IFI44: variants seen among roughly 807,000 people sequenced by gnomAD.
The protein encoded by IFI44 is interferon induced protein 44.
In IFI44, 42 loss-of-function variants were observed where a neutral mutation model predicts 45.0. The ratio of observed to expected loss-of-function variants is 0.93; its 90% CI spans 0.73 to 1.21. The LOEUF (loss-of-function observed/expected upper bound fraction) is 1.21. Among genes scored for constraint, IFI44 ranks in the 50% most tolerant of loss-of-function variants. IFI44 has a pLI of 0.00. For synonymous variants in IFI44, 221 were observed against 188.6 expected, an observed-to-expected ratio of 1.17 and a Z score of -1.41; for missense variants, 623 against 525.8, an observed-to-expected ratio of 1.18 and a Z score of -1.81.
Position 78,655,516 on chromosome 1 carries a change from T to C in IFI44, c.840+5T>C. The C allele has an allele frequency of 6.3e-7, 1 of 1,596,852 alleles. No individual in the cohort carries two copies. Among genetic ancestry groups the C allele is most frequent in the Non-Finnish European group, 8.5e-7 (1 of 1,172,348 alleles). On this transcript the variant is annotated splice_donor_5th_base_variant and intron_variant, in intron 5 of 8. Transcript: ENST00000370747. Reference sequence around the variant, plus strand: ...AACATTCGTGATAGATACCAGGTAATATTTGACTAATGAGAAATTATAACT... The same window carrying C: ...AACATTCGTGATAGATACCAGGTAACATTTGACTAATGAGAAATTATAACT...
intron 7 of IFI44, among the ~76,000 whole-genome samples, chr1:78,661,950 C>A (rs1255664207): frequency 6.6e-6 from 1 of 152,026 alleles, no homozygotes; most frequent in Admixed American, 6.6e-5. Flanking sequence ...ATAAAATGGG[C>A]AAGGAACATT....
rs1408827877 is a variant in IFI44, at chr1:78,655,357, TA to T, written c.691-4del. On this transcript the variant is annotated splice_polypyrimidine_tract_variant and splice_region_variant and intron_variant, in intron 4 of 8. Transcript: ENST00000370747. The stretch of plus-strand genomic sequence containing the variant: ...TCTTTAAAATTGCTTTTCTCCCCTC[TA>T]CAGTATAGGACATACTCTATTAGAG... The T allele has an allele frequency of 6.3e-7, 1 of 1,598,556 alleles. No individual in the cohort carries two copies. The highest frequency in any genetic ancestry group is 1.1e-5 in the South Asian group (1 of 87,408).
At position 78,649,984 on chromosome 1, in the gene IFI44, C is replaced by G; in HGVS notation, c.-11+79C>G. The G allele has an allele frequency of 9.7e-6, 4 of 413,608 alleles. No homozygotes were observed. The Admixed American group carries it at 1.2e-4, about 13-fold the overall frequency. The allele number at this position is 413,608 out of a possible 1,614,324, so 25.6% of individuals were successfully genotyped here. On this transcript the variant is annotated intron_variant, in intron 1 of 8. Coordinates refer to ENST00000370747, the MANE Select transcript of IFI44 (RefSeq NM_006417.5). ...CTCTCTCAGGTGACAGTGTCACTTG[C>G]CAATCTCAGTTTTTGTTTTAATTTA... is the stretch of plus-strand genomic sequence containing the variant.
In IFI44 at chr1:78,655,018, A is replaced by T. The variant is rs1647183828; in HGVS notation, c.499A>T (p.Arg167Trp). 6.2e-7 allele frequency: 1 copy of T among 1,610,370 alleles called. No homozygotes were observed. The highest frequency in any genetic ancestry group is 1.1e-5 in the South Asian group (1 of 90,580). Reference protein sequence around the residue: ...ERKIKGVIELRKSLLSALRTY... With the variant: ...ERKIKGVIELWKSLLSALRTY... ...AAAACGGTCATGTCTAAACAGGCTC[A>T]GGAAGAGCTTACTGTCTGCCTTGAG... The change falls in exon 4 of 9, where the codon AGG becomes TGG. Residue 167 changes from arginine to tryptophan, a missense_variant. Coordinates refer to ENST00000370747, the MANE Select transcript of IFI44 (RefSeq NM_006417.5).
In IFI44 at chr1:78,659,430, C is replaced by T; in HGVS notation, c.959C>T (p.Ser320Phe). ...GATGCCAGCTCTATTCAATACTTCT[C>T]CTCTCAGATGATAGTAAAGATCAAA... ...VFDASSIQYF[S>F]SQMIVKIKRI... Residue 320 changes from serine to phenylalanine, a missense_variant, in exon 6 of 9, where the codon TCC (serine) becomes TTC (phenylalanine). Ser to Phe is a radical substitution (Grantham distance 155). Coordinates refer to ENST00000370747, the MANE Select transcript of IFI44 (RefSeq NM_006417.5). 1 of 1,613,502 alleles carries T rather than the reference C, an allele frequency of 6.2e-7. No individual in the cohort carries two copies. Among genetic ancestry groups the T allele is most frequent in the Non-Finnish European group, 8.5e-7 (1 of 1,179,624 alleles).
chr1:78,651,504 GCCTGCCTCTCACGT>G (rs1647124510), intron 2 of IFI44, among the ~76,000 whole-genome samples: 1 of 152,120 alleles, frequency 6.6e-6, no homozygotes, highest in African/African-American at 2.4e-5. Context: ...AGCTTCACTC[GCCTGCCTCTCACGT>G]CCTGCTCTGT....
At chr1:78,659,697 A>C (rs1021638171) in intron 6 of IFI44, among the ~76,000 whole-genome samples, 1 of 152,214 alleles carries the variant, frequency 6.6e-6, no homozygotes, top group Non-Finnish European at 1.5e-5. Flanking sequence ...TTCTCTAATC[A>C]ATAAAATTAG....
chr1:78,660,628 G>A lies in IFI44; in HGVS notation c.1087G>A (p.Glu363Lys), dbSNP rs750075486. 1 of 1,613,058 alleles carries A rather than the reference G, an allele frequency of 6.2e-7. No homozygotes were observed. The highest frequency in any genetic ancestry group is 1.7e-5 in the Admixed American group (1 of 59,970). Residue 363 changes from glutamate (E) to lysine (K), a missense_variant, in exon 7 of 9, where the codon GAG becomes AAG. Physicochemically the swap from Glu to Lys is moderately conservative, Grantham distance 56. Coordinates refer to ENST00000370747, the MANE Select transcript of IFI44 (RefSeq NM_006417.5). ...TACAAAAGGTGACCTTATAGAAATA[G>A]AGAGATGTGAGCCTGTGAGGTCCAA... ...LITKGDLIEIERCEPVRSKLE... is the reference protein window; with the variant it reads ...LITKGDLIEIKRCEPVRSKLE...
chr1:78,653,860 G>A (rs1486804173), intron 2 of IFI44, among the ~76,000 whole-genome samples: 1 of 152,164 alleles, frequency 6.6e-6, no homozygotes. Context: ...AGGGGAAAAT[G>A]TCTTATTAGA....
intron 8 of IFI44, chr1:78,663,180 T>C: frequency 4.1e-6 from 4 of 985,328 alleles, no homozygotes; most frequent in Non-Finnish European, 4.8e-6. Context: ...CCCTGGCCTC[T>C]TTTCTCAGAC....
chr1:78,660,854 T>G (rs558103917), intron 7 of IFI44, 200 bp downstream of exon 7: 1 of 559,290 alleles, frequency 1.8e-6, no homozygotes, highest in Admixed American at 2.8e-5. Flanking sequence ...TCCAGGACTT[T>G]GCATTGTTAC....
At chr1:78,656,015 C>T (rs149998083) in intron 5 of IFI44, among the ~76,000 whole-genome samples, 18 of 152,198 alleles carry the variant, frequency 1.2e-4, no homozygotes, top group Middle Eastern at 6.8e-3. Flanking sequence ...CTCTTATATA[C>T]ATAAGAAAGA....
At position 78,660,654 on chromosome 1, in the gene IFI44, G is replaced by A. The variant is rs141520096; in HGVS notation, c.1113G>A (p.Lys371=). 1 of 1,585,372 alleles carries A rather than the reference G, an allele frequency of 6.3e-7. No individual in the cohort carries two copies. ...AGAGATGTGAGCCTGTGAGGTCCAA[G>A]GTAATGAATGATGCCCTTCGTAAAC... ...EIERCEPVRS[K]LEEVQRKLGF... is the part of the protein sequence containing the mutation. Residue 371 remains lysine, a splice_region_variant and synonymous_variant, in exon 7 of 9, where the codon AAG becomes AAA. Coordinates refer to ENST00000370747, the MANE Select transcript of IFI44 (RefSeq NM_006417.5).
At chr1:78,657,418 G>A (rs2100459040) in intron 5 of IFI44, among the ~76,000 whole-genome samples, 2 of 152,132 alleles carry the variant, frequency 1.3e-5, no homozygotes, top group South Asian at 4.1e-4. Context: ...TGTGTGTCCT[G>A]ATTATTGAGA....
At chr1:78,658,101 C>T (rs992658557) in intron 5 of IFI44, among the ~76,000 whole-genome samples, 5 of 151,942 alleles carry the variant, frequency 3.3e-5, no homozygotes, top group Admixed American at 1.3e-4. Flanking sequence ...AAATTATAAA[C>T]TTATACTAAA....
intron 1 of IFI44, 64 bp downstream of exon 1, chr1:78,649,969 T>C (rs1296789729): frequency 5.0e-6 from 2 of 398,128 alleles, no homozygotes; most frequent in East Asian, 8.4e-5. Context: ...CTCTCTCAGG[T>C]GACAGTGTCA....
intron 5 of IFI44, among the ~76,000 whole-genome samples, chr1:78,656,974 C>T (rs905498665): frequency 6.6e-5 from 10 of 151,476 alleles, no homozygotes; most frequent in African/African-American, 2.4e-4. Context: ...TGACTCACAG[C>T]CAATCTCGTT....
intron 4 of IFI44, 29 bp from the exon 5 acceptor site, chr1:78,655,333 C>A (rs756552804): frequency 6.4e-7 from 1 of 1,571,272 alleles, no homozygotes; most frequent in East Asian, 2.2e-5. Flanking sequence ...AAAAATGAAT[C>A]TTTAAAATTG....
chr1:78,651,754 C>T (rs1351208937), intron 2 of IFI44, among the ~76,000 whole-genome samples: 1 of 152,114 alleles, frequency 6.6e-6, no homozygotes, highest in Non-Finnish European at 1.5e-5. Context: ...TTTATGAATT[C>T]GACTATTTTA....
Sources: gnomAD v4.1 joint callset for allele counts (sites outside exome capture counted in the v4.1 genomes callset) on GRCh38, gnomAD v4.1.1 for gene constraint, MANE v1.5 for transcripts, NCBI Gene and HGNC (gene_info 2026-07-23, HGNC 2026-07-21) for gene names.